Variants in CD44 observed in about 807,000 individuals in gnomAD.
CD44 encodes CD44 molecule (IN blood group), also known as CD44 antigen.
In CD44, 49 loss-of-function variants were observed where a neutral mutation model predicts 88.8. The ratio of observed to expected loss-of-function variants is 0.55; its 90% CI spans 0.44 to 0.70. The LOEUF is 0.70. Among genes scored for constraint, CD44 ranks in the 30% least tolerant of loss-of-function variants. CD44 has a pLI of 0.00. For missense variants in CD44, 883 were observed against 913.8 expected (o/e 0.97, Z 0.43); for synonymous variants, 325 against 312.3 (o/e 1.04, Z -0.43).
chr11:35,221,518 C>T, intron 16 of CD44, 136 bp from the exon 17 acceptor site: 1 of 729,986 alleles, frequency 1.4e-6, no homozygotes, highest in Non-Finnish European at 2.5e-6. Flanking sequence ...TGCCTATTGG[C>T]TGGACCTATT....
At chr11:35,169,287 A>G (rs777115201) in intron 1 of CD44, among the ~76,000 whole-genome samples, 7 of 152,160 alleles carry the variant, frequency 4.6e-5, no homozygotes, top group Non-Finnish European at 7.3e-5. Flanking sequence ...GAGAAGTTCC[A>G]AAATTTCAGA....
chr11:35,178,581 T>C (rs1944688122), intron 2 of CD44, among the ~76,000 whole-genome samples: 1 of 152,226 alleles, frequency 6.6e-6, no homozygotes, highest in South Asian at 2.1e-4. Flanking sequence ...TCTTTCCTCC[T>C]TGTGAACAGT....
At chr11:35,188,118 G>A (rs1019848538) in intron 4 of CD44, among the ~76,000 whole-genome samples, 1 of 152,222 alleles carries the variant, frequency 6.6e-6, no homozygotes, top group Non-Finnish European at 1.5e-5. Flanking sequence ...GTACAGTGTT[G>A]AGAGGTCTGA....
intron 17 of CD44, chr11:35,222,622 T>C (rs1262892687): frequency 2.3e-5 from 14 of 612,798 alleles, no homozygotes; most frequent in Non-Finnish European, 2.6e-5. Flanking sequence ...TATATACACA[T>C]ACATTATATA....
At chr11:35,203,851 C>G in intron 9 of CD44, among the ~76,000 whole-genome samples, 1 of 152,184 alleles carries the variant, frequency 6.6e-6, no homozygotes, top group East Asian at 1.9e-4. Flanking sequence ...AAGCCTGTCA[C>G]ACACTATTAT....
At chr11:35,185,887 G>C (rs1412184020) in intron 3 of CD44, among the ~76,000 whole-genome samples, 1 of 152,168 alleles carries the variant, frequency 6.6e-6, no homozygotes, top group African/African-American at 2.4e-5. Flanking sequence ...ACAAGGAATG[G>C]AATGCAGGGT....
chr11:35,219,075 A>G, intron 15 of CD44: 1 of 515,344 alleles, frequency 1.9e-6, no homozygotes, highest in Non-Finnish European at 3.5e-6. Flanking sequence ...ACACTGTGCA[A>G]CACTGCTGCT....
chr11:35,193,259 C>CA (rs1355510859), intron 5 of CD44, among the ~76,000 whole-genome samples: 1 of 151,896 alleles, frequency 6.6e-6, no homozygotes, highest in Non-Finnish European at 1.5e-5. Flanking sequence ...ATAACAACAA[C>CA]AAAAAAAGCT....
At position 35,180,334 on chromosome 11, in the gene CD44, A is replaced by G. The variant is rs1944868722; in HGVS notation, c.294A>G (p.Ala98=). The G allele has an allele frequency of 6.2e-7, 1 of 1,613,984 alleles. No individual in the cohort carries two copies. Among genetic ancestry groups the G allele is most frequent in the Non-Finnish European group, 8.5e-7 (1 of 1,179,954 alleles). The part of the protein sequence containing the change: ...IPRIHPNSIC[A]ANNTGVYILT... ...GGATCCACCCCAACTCCATCTGTGC[A>G]GCAAACAACACAGGGGTGTACATCC... The change falls in exon 3 of 18, where the codon GCA becomes GCG. Residue 98 remains alanine, a synonymous_variant. Transcript: ENST00000428726.
At chr11:35,220,763 C>CTT (rs34175178) in intron 16 of CD44, among the ~76,000 whole-genome samples, 101 of 105,142 alleles carry the variant, frequency 9.6e-4, no homozygotes, top group Non-Finnish European at 1.2e-3. Flanking sequence ...TAATATACGT[C>CTT]TTTTTTTTTT....
chr11:35,153,972 T>A (rs2133210822), intron 1 of CD44, among the ~76,000 whole-genome samples: 1 of 152,270 alleles, frequency 6.6e-6, no homozygotes, highest in East Asian at 1.9e-4. Context: ...AAGCAAGTGG[T>A]TTATCATGTC....
chr11:35,160,313 C>T (rs1312639630), intron 1 of CD44, among the ~76,000 whole-genome samples: 3 of 152,216 alleles, frequency 2.0e-5, no homozygotes, highest in Non-Finnish European at 4.4e-5. Context: ...CCTCCAGCTT[C>T]GATGGGGCAG....
rs541849884 is a variant in CD44, at chr11:35,185,507, C to T, written c.368-1325C>T. 1.1e-4 allele frequency among the ~76,000 whole-genome samples: 16 copies of T among 152,252 alleles called. No individual in the cohort carries two copies. The East Asian group carries it at 2.7e-3, about 26-fold the overall frequency. On this transcript the variant is annotated intron_variant, in intron 3 of 17. Coordinates refer to ENST00000428726, the MANE Select transcript of CD44 (RefSeq NM_000610.4). The stretch of plus-strand genomic sequence containing the variant: ...TAAGTACACAAAAATTATAGCAGGA[C>T]ACTTAAAATACTTGTGATAACAGCC...
chr11:35,163,483 T>C (rs561130914), intron 1 of CD44, among the ~76,000 whole-genome samples: 3 of 152,300 alleles, frequency 2.0e-5, no homozygotes, highest in Non-Finnish European at 4.4e-5. Context: ...GCGAACCAGA[T>C]GGCATCTGTC....
At chr11:35,164,816 C>A (rs903978206) in intron 1 of CD44, among the ~76,000 whole-genome samples, 2 of 152,188 alleles carry the variant, frequency 1.3e-5, no homozygotes, top group Middle Eastern at 3.2e-3. Flanking sequence ...TCATGGATAG[C>A]ATTTTTGCAC....
intron 1 of CD44, among the ~76,000 whole-genome samples, chr11:35,154,139 T>C (rs768876052): frequency 7.9e-5 from 12 of 152,238 alleles, no homozygotes; most frequent in Admixed American, 3.9e-4. Context: ...GGAAAATTCA[T>C]AATTTACTTA....
chr11:35,193,616 T>A (rs1049376073), intron 5 of CD44, among the ~76,000 whole-genome samples: 1 of 152,238 alleles, frequency 6.6e-6, no homozygotes, highest in African/African-American at 2.4e-5. Flanking sequence ...CTCAGCTGGC[T>A]TAAATTAGAT....
chr11:35,218,501 G>A (rs562409552), intron 15 of CD44, among the ~76,000 whole-genome samples: 61 of 152,204 alleles, frequency 4.0e-4, no homozygotes, highest in African/African-American at 1.3e-3. Context: ...GCTAATTTTT[G>A]TATTTTTAGT....
chr11:35,171,292 G>A (rs1216363364), intron 1 of CD44, among the ~76,000 whole-genome samples: 6 of 152,196 alleles, frequency 3.9e-5, no homozygotes, highest in Non-Finnish European at 2.9e-5. Context: ...AACATTCACA[G>A]GATAGTTGAC....
Sources: allele counts gnomAD v4.1 joint callset (sites outside exome capture counted in the v4.1 genomes callset), GRCh38; gene constraint gnomAD v4.1.1; transcripts MANE v1.5; gene names NCBI Gene and HGNC (gene_info 2026-07-23, HGNC 2026-07-21).